CREB5: variants seen among roughly 807,000 people sequenced by gnomAD.
CREB5 encodes the protein cyclic AMP-responsive element-binding protein 5.
In CREB5, 19 loss-of-function variants were observed where a neutral mutation model predicts 57.1. The ratio of observed to expected loss-of-function variants is 0.33; its 90% CI spans 0.23 to 0.49. CREB5 has a LOEUF of 0.49. Ranked by LOEUF, CREB5 falls within the 20% of genes least tolerant of loss-of-function variation. The pLI, the probability that CREB5 is intolerant of heterozygous loss-of-function variation, is 0.99. For synonymous variants in CREB5, 238 were observed against 238.3 expected, an observed-to-expected ratio of 1.00 and a Z score of 0.01; for missense variants, 579 against 671.6, an observed-to-expected ratio of 0.86 and a Z score of 1.52.
intron 5 of CREB5, among the ~76,000 whole-genome samples, chr7:28,695,781 G>A (rs1381595413): frequency 2.6e-5 from 4 of 152,066 alleles, no homozygotes; most frequent in African/African-American, 9.7e-5. Context: ...CCTGCAGGAT[G>A]TGACCTCTGG....
intron 5 of CREB5, among the ~76,000 whole-genome samples, chr7:28,633,523 G>A (rs934642307): frequency 6.6e-6 from 1 of 152,164 alleles, no homozygotes; most frequent in Non-Finnish European, 1.5e-5. Context: ...AATACCTGAG[G>A]AAGTAAAGAA....
intron 1 of CREB5, among the ~76,000 whole-genome samples, chr7:28,336,153 T>C (rs1785818423): frequency 6.6e-6 from 1 of 152,244 alleles, no homozygotes; most frequent in Non-Finnish European, 1.5e-5. Context: ...TGGCCTGTAG[T>C]TTTATTTTTT....
At position 28,488,192 on chromosome 7, in the gene CREB5, G is replaced by A; in HGVS notation, c.21G>A (p.Lys7=). ...TCCTTCAGATTTATGAGGAATCCAA[G>A]ATGAATTTGGAGCAGGAGAGGCCGT... is the stretch of plus-strand genomic sequence containing the variant. MIYEES[K]MNLEQERPFV... is the part of the protein sequence containing the mutation. The change falls in exon 2 of 11, where the codon AAG becomes AAA. Residue 7 remains lysine (K), a synonymous_variant. Coordinates refer to ENST00000357727, the MANE Select transcript of CREB5 (RefSeq NM_182898.4). 6.2e-7 allele frequency: 1 copy of A among 1,613,854 alleles called. No individual in the cohort carries two copies. Among genetic ancestry groups the A allele is most frequent in the Non-Finnish European group, 8.5e-7 (1 of 1,179,838 alleles).
chr7:28,553,320 G>T (rs1008584884), intron 4 of CREB5, among the ~76,000 whole-genome samples: 1 of 152,152 alleles, frequency 6.6e-6, no homozygotes, highest in Non-Finnish European at 1.5e-5. Context: ...GCCTTTCATG[G>T]ATGCCTTGTG....
At chr7:28,329,882 C>T (rs1380337096) in intron 1 of CREB5, among the ~76,000 whole-genome samples, 1 of 152,230 alleles carries the variant, frequency 6.6e-6, no homozygotes, top group African/African-American at 2.4e-5. Context: ...TAAAACCAAA[C>T]CAAACAATTC....
intron 9 of CREB5, 76 bp from the exon 10 acceptor site, chr7:28,817,995 T>G: frequency 9.7e-7 from 1 of 1,033,446 alleles, no homozygotes; most frequent in Non-Finnish European, 1.4e-6. Flanking sequence ...GCCAGTTTTG[T>G]TGTTGAAAGT....
At chr7:28,340,700 G>A (rs140431693) in intron 1 of CREB5, among the ~76,000 whole-genome samples, 2 of 152,300 alleles carry the variant, frequency 1.3e-5, no homozygotes, top group African/African-American at 4.8e-5. Flanking sequence ...CACAGCACCA[G>A]GACTTGCCTA....
At chr7:28,616,986 G>A (rs946745642) in intron 5 of CREB5, among the ~76,000 whole-genome samples, 10 of 152,132 alleles carry the variant, frequency 6.6e-5, no homozygotes, top group Non-Finnish European at 1.5e-4. Flanking sequence ...AACATTTTGG[G>A]GATCACTTGG....
intron 5 of CREB5, among the ~76,000 whole-genome samples, chr7:28,580,373 T>TGTGTGTGGG (rs1229562665): frequency 7.0e-6 from 1 of 142,030 alleles, no homozygotes; most frequent in Non-Finnish European, 1.5e-5. Flanking sequence ...GGGGTGTCTG[T>TGTGTGTGGG]GTGTGTGGGG....
chr7:28,560,866 CT>C (rs1795119253), intron 4 of CREB5, among the ~76,000 whole-genome samples: 17 of 50,294 alleles, frequency 3.4e-4, no homozygotes, highest in Middle Eastern at 0.012. Flanking sequence ...GTGCGTGTGC[CT>C]GCGTGCGCGT....
Position 28,687,430 on chromosome 7 carries a change from CAGAG to C in CREB5, c.465-31315_465-31312del, listed in dbSNP as rs1233436271. Among the ~76,000 whole-genome samples, 7 of 151,172 alleles carry C rather than the reference CAGAG, an allele frequency of 4.6e-5. No homozygotes were observed. The East Asian group carries it at 5.9e-4, about 13-fold the overall frequency. ...TAATGTTTTAAGGATCTCGTGTACT[CAGAG>C]AGAGAGACTTTGATGTTTTGAAAAT... On this transcript the variant is annotated intron_variant, in intron 5 of 10. Transcript: ENST00000357727.
At chr7:28,560,841 T>TGCGC (rs1562797105) in intron 4 of CREB5, among the ~76,000 whole-genome samples, 1 of 75,062 alleles carries the variant, frequency 1.3e-5, no homozygotes, top group African/African-American at 4.9e-5. Flanking sequence ...CGCGTGTGTG[T>TGCGC]GTGCGCGTGT....
intron 5 of CREB5, among the ~76,000 whole-genome samples, chr7:28,666,573 A>G (rs1474187742): frequency 6.6e-6 from 1 of 152,096 alleles, no homozygotes; most frequent in Non-Finnish European, 1.5e-5. Context: ...AATAAACGCC[A>G]TGGACCAGAT....
intron 5 of CREB5, among the ~76,000 whole-genome samples, chr7:28,634,527 T>A (rs1425615585): frequency 1.3e-5 from 2 of 152,180 alleles, no homozygotes; most frequent in Non-Finnish European, 2.9e-5. Flanking sequence ...AAACCTTAGA[T>A]GGCCACAATT....
chr7:28,664,104 C>A (rs569953192), intron 5 of CREB5, among the ~76,000 whole-genome samples: 15 of 152,328 alleles, frequency 9.8e-5, no homozygotes, highest in Non-Finnish European at 1.9e-4. Context: ...CCCAGGACTT[C>A]AATTAGGACC....
At chr7:28,596,506 T>G (rs1449813849) in intron 5 of CREB5, among the ~76,000 whole-genome samples, 2 of 152,198 alleles carry the variant, frequency 1.3e-5, no homozygotes, top group African/African-American at 4.8e-5. Flanking sequence ...CAGTTCATAT[T>G]AAATTATTGA....
intron 5 of CREB5, among the ~76,000 whole-genome samples, chr7:28,589,816 G>C (rs966914032): frequency 2.6e-5 from 4 of 152,220 alleles, no homozygotes; most frequent in Non-Finnish European, 4.4e-5. Flanking sequence ...TTATTCAAGT[G>C]AGGAAGGAGC....
At chr7:28,487,503 G>A (rs1050986291) in intron 1 of CREB5, among the ~76,000 whole-genome samples, 4 of 152,232 alleles carry the variant, frequency 2.6e-5, no homozygotes, top group South Asian at 4.2e-4. Context: ...AATATCCAAC[G>A]TTATGTTTTT....
intron 1 of CREB5, among the ~76,000 whole-genome samples, chr7:28,331,469 A>T (rs1785715137): frequency 6.6e-6 from 1 of 152,082 alleles, no homozygotes; most frequent in Non-Finnish European, 1.5e-5. Context: ...CCCCTTGGGG[A>T]AGAGAATGCA....
Sources: allele counts gnomAD v4.1 joint callset (sites outside exome capture counted in the v4.1 genomes callset), GRCh38; gene constraint gnomAD v4.1.1; transcripts MANE v1.5; gene names NCBI Gene and HGNC (gene_info 2026-07-23, HGNC 2026-07-21).